HSPA12A: variants seen among roughly 807,000 people sequenced by gnomAD.
The protein encoded by HSPA12A is heat shock protein family A (Hsp70) member 12A.
In HSPA12A, 28 loss-of-function variants were observed where a neutral mutation model predicts 69.2. The ratio of observed to expected loss-of-function variants is 0.40; its 90% confidence interval spans 0.30 to 0.55. The LOEUF (loss-of-function observed/expected upper bound fraction) is 0.55, where lower values mean the gene tolerates loss of function less well. HSPA12A is among the 20% of genes least tolerant of loss of function. HSPA12A has a pLI of 0.38. For missense variants in HSPA12A, 686 were observed against 900.7 expected (o/e 0.76, Z 3.05); for synonymous variants, 345 against 370.5 (o/e 0.93, Z 0.79).
In HSPA12A at chr10:116,692,584, G is replaced by A; in HGVS notation, c.547-117C>T. ...ATGAGCTCTTCAGGAGCCAGTTTCA[G>A]GGTCCCCCAAACTTACCAGCATCAG... is the stretch of plus-strand genomic sequence containing the variant. On this transcript the variant is annotated intron_variant, in intron 5 of 11. Transcript: ENST00000369209. 7.9e-6 allele frequency: 6 copies of A among 754,870 alleles called. No homozygotes were observed. In the South Asian group the frequency reaches 8.2e-5, roughly 10 times the overall value. 46.8% of individuals were successfully genotyped at this position (754,870 alleles called of 1,614,324 possible).
At position 116,675,178 on chromosome 10, in the gene HSPA12A, C is replaced by T. The variant is rs782040834; in HGVS notation, c.1631G>A (p.Arg544His). 1.9e-6 allele frequency: 3 copies of T among 1,613,696 alleles called. No homozygotes were observed. The highest frequency in any genetic ancestry group is 2.2e-5 in the East Asian group (1 of 44,878). The change falls in exon 12 of 12, where the codon CGC (arginine) becomes CAC (histidine). Residue 544 changes from arginine (R) to histidine (H), a missense_variant. By Grantham distance (29) the Arg-to-His change is conservative. Transcript: ENST00000369209. This position sits in a 1 kb window ranked among gnomAD's most constrained non-coding sequence, Gnocchi z 5.2. ...PLTYGVGVLNRYVEGKHPPEK... is the reference protein window; with the variant it reads ...PLTYGVGVLNHYVEGKHPPEK... Reference sequence around the variant, plus strand: ...AGGCGGGTGCTTGCCCTCCACGTAGCGGTTCAGCACGCCTACCCCGTAGGT... The same window carrying T: ...AGGCGGGTGCTTGCCCTCCACGTAGTGGTTCAGCACGCCTACCCCGTAGGT...
rs563922377 is a variant in HSPA12A at position 116,736,718 on chromosome 10, A to C, written c.40+5712T>G. Among the ~76,000 whole-genome samples the C allele has an allele frequency of 2.0e-5, 3 of 152,274 alleles. No individual in the cohort carries two copies. The East Asian group carries it at 5.8e-4, about 29-fold the overall frequency. On this transcript the variant is annotated intron_variant, in intron 1 of 11. Coordinates refer to ENST00000369209, the MANE Select transcript of HSPA12A (RefSeq NM_025015.3). ...GCAGGTCACCTCGAGAAGTTTGAAA[A>C]GGCAATGAAATGGATTATCCCCTAG...
At chr10:116,690,173 T>C (rs1849696001) in intron 6 of HSPA12A, among the ~76,000 whole-genome samples, 1 of 152,308 alleles carries the variant, frequency 6.6e-6, no homozygotes, top group Non-Finnish European at 1.5e-5. Context: ...CCTAAGACTC[T>C]CCAGAAGACA....
intron 1 of HSPA12A, among the ~76,000 whole-genome samples, chr10:116,721,672 C>A (rs1199375226): frequency 6.6e-6 from 1 of 152,198 alleles, no homozygotes; most frequent in Non-Finnish European, 1.5e-5. Context: ...CCCTCCCCTC[C>A]CCGGCACTGA....
upstream of HSPA12A, among the ~76,000 whole-genome samples, chr10:116,745,512 G>C (rs1352667199): frequency 6.6e-6 from 1 of 152,142 alleles, no homozygotes; most frequent in East Asian, 1.9e-4. Context: ...TGTGGTAGCT[G>C]GTGGAGAGAA....
At chr10:116,792,519 G>C (rs956269976) in intron 2 of HSPA12A, among the ~76,000 whole-genome samples, 1 of 150,662 alleles carries the variant, frequency 6.6e-6, no homozygotes, top group African/African-American at 2.5e-5. Context: ...GCACATGCCC[G>C]TAATCCCAGC....
rs782569401 is a variant in HSPA12A, at chr10:116,710,138, T to A, written c.41-2853A>T. On this transcript the variant is annotated intron_variant, in intron 1 of 11. Coordinates refer to ENST00000369209, the MANE Select transcript of HSPA12A (RefSeq NM_025015.3). The surrounding 1 kb of genome is among the most constrained non-coding windows in gnomAD (Gnocchi z 4.1). The stretch of plus-strand genomic sequence containing the variant: ...CTAGGGGTTCCAGCCAGATGGTCCT[T>A]CCACCTGTTGGTGAGAGGTCCTCCC... 6.6e-6 allele frequency among the ~76,000 whole-genome samples: 1 copy of A among 152,158 alleles called. No individual in the cohort carries two copies. Among genetic ancestry groups the A allele is most frequent in the Non-Finnish European group, 1.5e-5 (1 of 68,030 alleles).
At chr10:116,679,053 C>A (rs1177953596) in intron 10 of HSPA12A, among the ~76,000 whole-genome samples, 4 of 152,032 alleles carry the variant, frequency 2.6e-5, no homozygotes, top group Non-Finnish European at 5.9e-5. Context: ...CAAGCTGAGA[C>A]ACAAAATCAG....
intron 2 of HSPA12A, among the ~76,000 whole-genome samples, chr10:116,792,862 A>C (rs1844731416): frequency 6.6e-6 from 1 of 152,042 alleles, no homozygotes; most frequent in African/African-American, 2.4e-5. Context: ...GAAAAAGAAA[A>C]TCTATTCCTG....
chr10:116,766,063 C>T (rs1554889730), intron 2 of HSPA12A, among the ~76,000 whole-genome samples: 1 of 152,202 alleles, frequency 6.6e-6, no homozygotes, highest in African/African-American at 2.4e-5. Context: ...ACCATTCGGC[C>T]ACATTCACCT....
intron 2 of HSPA12A, among the ~76,000 whole-genome samples, chr10:116,788,219 CACA>C (rs925245996): frequency 1.3e-5 from 2 of 152,340 alleles, no homozygotes; most frequent in Middle Eastern, 3.4e-3. Context: ...CGGCCGTGCG[CACA>C]ACATCCTGCA....
chr10:116,798,080 G>GT (rs575952361), intron 2 of HSPA12A, among the ~76,000 whole-genome samples: 305 of 151,754 alleles, frequency 2.0e-3, no homozygotes, highest in South Asian at 3.3e-3. Flanking sequence ...ACCAGATCAC[G>GT]TGGGGTCTCC....
intron 6 of HSPA12A, 87 bp downstream of exon 6, chr10:116,692,264 G>A (rs1337779110): frequency 1.0e-6 from 1 of 966,398 alleles, no homozygotes; most frequent in African/African-American, 1.6e-5. Flanking sequence ...GTGAATGTGG[G>A]AGGTACCTGG....
rs143987259 is a variant in HSPA12A, at chr10:116,699,426, G to A, written c.442-687C>T. ...AGTCCCTGTGGGGTAGGGATGGGCA[G>A]GGAGTGAGAGCAAAAATCAGGAGGA... On this transcript the variant is annotated intron_variant, in intron 4 of 11. Coordinates refer to ENST00000369209, the MANE Select transcript of HSPA12A (RefSeq NM_025015.3). 4.7e-3 allele frequency among the ~76,000 whole-genome samples: 715 copies of A among 152,300 alleles called. 7 individuals carry two copies. The highest frequency in any genetic ancestry group is 0.016 in the African/African-American group (680 of 41,562).
intron 1 of HSPA12A, among the ~76,000 whole-genome samples, chr10:116,845,565 G>A (rs1346829047): frequency 3.3e-5 from 5 of 151,956 alleles, no homozygotes; most frequent in African/African-American, 4.8e-5. Context: ...CCCTCTCTCC[G>A]TGGATATGTT....
chr10:116,722,648 C>A lies in HSPA12A; in HGVS notation c.41-15363G>T, dbSNP rs183657386. ...CTGAGCCCTCCTCTGCCCATCCCTA[C>A]CCAGCTGTCATCAGTCTTATCTTGT... On this transcript the variant is annotated intron_variant, in intron 1 of 11. Coordinates refer to ENST00000369209, the MANE Select transcript of HSPA12A (RefSeq NM_025015.3). Among the ~76,000 whole-genome samples, 593 of 152,278 alleles carry A rather than the reference C, an allele frequency of 3.9e-3. 4 individuals carry two copies. The highest frequency in any genetic ancestry group is 0.014 in the African/African-American group (572 of 41,540).
At chr10:116,692,708 G>A (rs929694911) in intron 5 of HSPA12A, among the ~76,000 whole-genome samples, 26 of 152,294 alleles carry the variant, frequency 1.7e-4, no homozygotes, top group Non-Finnish European at 3.1e-4. Flanking sequence ...AGGATCAGAG[G>A]AAATCCCTTT....
chr10:116,684,000 CT>C (rs2132915721), intron 6 of HSPA12A, 38 bp from the exon 7 acceptor site: 2 of 1,498,816 alleles, frequency 1.3e-6, no homozygotes, highest in East Asian at 4.7e-5. Context: ...CCAGGGCCCC[CT>C]GGGCCGGCCT....
At chr10:116,682,998 C>T (rs944533271) in intron 7 of HSPA12A, among the ~76,000 whole-genome samples, 1 of 151,830 alleles carries the variant, frequency 6.6e-6, no homozygotes, top group Non-Finnish European at 1.5e-5. Flanking sequence ...CCACCACGCC[C>T]GGCCCCACAA....
Sources: allele counts gnomAD v4.1 joint callset (sites outside exome capture counted in the v4.1 genomes callset), GRCh38; gene constraint gnomAD v4.1.1; non-coding constraint Gnocchi (gnomAD v3.1); transcripts MANE v1.5; gene names NCBI Gene and HGNC (gene_info 2026-07-23, HGNC 2026-07-21).